UBE2H: variants seen among roughly 807,000 people sequenced by gnomAD.
The protein encoded by UBE2H is ubiquitin-conjugating enzyme E2 H.
UBE2H carries 3 observed loss-of-function variants against 29.0 expected under a neutral mutation model. That is an observed-to-expected ratio of 0.10 (90% CI 0.05 to 0.27). The LOEUF is 0.27. Ranked by LOEUF, UBE2H falls within the 10% of genes least tolerant of loss-of-function variation. The probability of loss-of-function intolerance (pLI) is 1.00; values close to 1 mark genes in which losing one functional copy is unlikely to be tolerated. For missense variants in UBE2H, 68 were observed against 228.2 expected, an observed-to-expected ratio of 0.30 and a Z score of 4.52; for synonymous variants, 69 against 82.9, an observed-to-expected ratio of 0.83 and a Z score of 0.91.
chr7:129,848,078 A>T (rs1563020979), intron 5 of UBE2H, among the ~76,000 whole-genome samples: 7 of 152,142 alleles, frequency 4.6e-5, no homozygotes, highest in Admixed American at 4.6e-4. Flanking sequence ...CACTTAGGTC[A>T]TTTCCCACAA....
Position 129,941,740 on chromosome 7 carries a change from A to ATT in UBE2H, c.53+10761_53+10762dup, listed in dbSNP as rs35710137. Among the ~76,000 whole-genome samples, 1,035 of 151,240 alleles carry ATT rather than the reference A, an allele frequency of 6.8e-3. 16 individuals carry two copies. The highest frequency in any genetic ancestry group is 0.023 in the African/African-American group (955 of 41,306). ...GCATGAGCCACTGAATCCAGCTTTA[A>ATT]TTTTTTTTTAGCAACACACATGTAA... On this transcript the variant is annotated intron_variant, in intron 1 of 6. Coordinates refer to ENST00000355621, the MANE Select transcript of UBE2H (RefSeq NM_003344.4).
intron 1 of UBE2H, among the ~76,000 whole-genome samples, chr7:129,899,143 T>G (rs1806658727): frequency 6.6e-6 from 1 of 152,262 alleles, no homozygotes; most frequent in South Asian, 2.1e-4. Context: ...GGCTGTTGTC[T>G]GCTGTTTGTT....
At chr7:129,851,655 C>G (rs1405994645) in intron 5 of UBE2H, among the ~76,000 whole-genome samples, 2 of 152,182 alleles carry the variant, frequency 1.3e-5, no homozygotes, top group African/African-American at 4.8e-5. Flanking sequence ...ATAGCTGTGG[C>G]TGTCTTTCAG....
At chr7:129,941,788 A>G (rs1807648400) in intron 1 of UBE2H, among the ~76,000 whole-genome samples, 1 of 152,104 alleles carries the variant, frequency 6.6e-6, no homozygotes, top group South Asian at 2.1e-4. Flanking sequence ...TAAATTGTTT[A>G]TAATTTATCA....
chr7:129,936,387 G>A (rs921824833), intron 1 of UBE2H, among the ~76,000 whole-genome samples: 7 of 152,130 alleles, frequency 4.6e-5, no homozygotes, highest in Non-Finnish European at 8.8e-5. Flanking sequence ...GAGGTCAGGA[G>A]ATCGAGACCA....
At chr7:129,881,484 T>TA (rs1275653459) in intron 1 of UBE2H, among the ~76,000 whole-genome samples, 5 of 152,010 alleles carry the variant, frequency 3.3e-5, no homozygotes, top group Admixed American at 2.6e-4. Flanking sequence ...CCATCTCTAC[T>TA]AAAAAATACA....
At position 129,837,904 on chromosome 7, in the gene UBE2H, T is replaced by C. The variant is rs1805360091; in HGVS notation, c.427+1303A>G. ...CTAAGATAAATGTAGGCTCGGTTCTTTTTGTAAATGGGACTATAGCAGACA... is the reference window on the plus strand; with the variant it reads ...CTAAGATAAATGTAGGCTCGGTTCTCTTTGTAAATGGGACTATAGCAGACA... On this transcript the variant is annotated intron_variant, in intron 6 of 6. Coordinates refer to ENST00000355621, the MANE Select transcript of UBE2H (RefSeq NM_003344.4). Among the ~76,000 whole-genome samples, 3 of 152,204 alleles carry C rather than the reference T, an allele frequency of 2.0e-5. No homozygotes were observed. The South Asian group carries it at 6.2e-4, about 31-fold the overall frequency.
intron 1 of UBE2H, among the ~76,000 whole-genome samples, chr7:129,886,146 A>G (rs888177991): frequency 1.3e-5 from 2 of 152,222 alleles, no homozygotes; most frequent in African/African-American, 4.8e-5. Context: ...AAATAAACCC[A>G]TAAATCACAT....
chr7:129,913,226 T>A (rs1806974424), intron 1 of UBE2H, among the ~76,000 whole-genome samples: 1 of 131,720 alleles, frequency 7.6e-6, no homozygotes, highest in South Asian at 2.4e-4. Context: ...CACTCCAGCC[T>A]GGGCAGCAAG....
rs574487230 is a variant in UBE2H, at chr7:129,943,235, C to G, written c.53+9268G>C. 5.9e-5 allele frequency among the ~76,000 whole-genome samples: 9 copies of G among 152,266 alleles called. No homozygotes were observed. The South Asian group carries it at 1.7e-3, about 28-fold the overall frequency. On this transcript the variant is annotated intron_variant, in intron 1 of 6. Coordinates refer to ENST00000355621, the MANE Select transcript of UBE2H (RefSeq NM_003344.4). ...CCAGGCTGGACTGCAGTGGCATGAT[C>G]TTAACTCACCACAACCTCTGCCTCC... is the stretch of plus-strand genomic sequence containing the variant.
At position 129,899,547 on chromosome 7, in the gene UBE2H, G is replaced by A. The variant is rs538383410; in HGVS notation, c.54-18576C>T. The stretch of plus-strand genomic sequence containing the variant: ...AAAAGCATGCTTTTCACAGGGATTC[G>A]CTCTACTGTTCCTTCTTGCCTCTTT... On this transcript the variant is annotated intron_variant, in intron 1 of 6. Coordinates refer to ENST00000355621, the MANE Select transcript of UBE2H (RefSeq NM_003344.4). Among the ~76,000 whole-genome samples the A allele has an allele frequency of 3.3e-4, 50 of 152,232 alleles. No homozygotes were observed. The South Asian group carries it at 8.1e-3, about 25-fold the overall frequency.
intron 1 of UBE2H, among the ~76,000 whole-genome samples, chr7:129,948,804 C>T (rs1475409304): frequency 6.6e-6 from 1 of 152,186 alleles, no homozygotes; most frequent in Non-Finnish European, 1.5e-5. Flanking sequence ...TCTGATTTAA[C>T]CTTAATTTTT....
At chr7:129,847,031 A>T (rs2727458) in intron 5 of UBE2H, among the ~76,000 whole-genome samples, 135,286 of 151,118 alleles carry the variant, frequency 0.9, 60,599 homozygotes, top group South Asian at 0.96. Context: ...TATTATTATT[A>T]TTTTTTGAGA....
At chr7:129,942,212 CAAAA>C (rs966117564) in intron 1 of UBE2H, among the ~76,000 whole-genome samples, 1 of 36,750 alleles carries the variant, frequency 2.7e-5, no homozygotes, top group African/African-American at 1.2e-4. Flanking sequence ...GACTCGGTCT[CAAAA>C]AAAAAAAAAA....
chr7:129,868,424 C>CA (rs369235400), intron 3 of UBE2H, among the ~76,000 whole-genome samples: 35,109 of 146,274 alleles, frequency 0.24, 4,391 homozygotes, highest in African/African-American at 0.29. Context: ...ACTAAAAATA[C>CA]AAAAAATTAG....
chr7:129,925,032 A>G (rs1408756306), intron 1 of UBE2H, among the ~76,000 whole-genome samples: 2 of 152,184 alleles, frequency 1.3e-5, no homozygotes, highest in African/African-American at 4.8e-5. Context: ...GTCCCCCAGC[A>G]AAGCAGAACC....
chr7:129,936,511 A>C (rs1322529677), intron 1 of UBE2H, among the ~76,000 whole-genome samples: 1 of 149,890 alleles, frequency 6.7e-6, no homozygotes, highest in Non-Finnish European at 1.5e-5. Context: ...GGAGAATGGC[A>C]TGAACCCAGG....
intron 1 of UBE2H, among the ~76,000 whole-genome samples, chr7:129,943,660 A>G (rs1439598214): frequency 6.6e-6 from 1 of 152,116 alleles, no homozygotes; most frequent in Admixed American, 6.6e-5. Context: ...CCAGTACTTG[A>G]GAGGCAGAGG....
chr7:129,869,647 G>A (rs1805987969), intron 3 of UBE2H, among the ~76,000 whole-genome samples: 2 of 152,138 alleles, frequency 1.3e-5, no homozygotes, highest in South Asian at 4.1e-4. Context: ...GGACTTGAGG[G>A]TACCAGTAGG....
Sources: gnomAD v4.1 joint callset for allele counts (sites outside exome capture counted in the v4.1 genomes callset) on GRCh38, gnomAD v4.1.1 for gene constraint, MANE v1.5 for transcripts, NCBI Gene and HGNC (gene_info 2026-07-23, HGNC 2026-07-21) for gene names.